FRS3: variants seen among roughly 807,000 people sequenced by gnomAD.
FRS3 encodes fibroblast growth factor receptor substrate 3.
Under a neutral mutation model 41.9 loss-of-function variants are expected in FRS3, and 17 were observed. That is an observed-to-expected ratio of 0.41 (90% CI 0.28 to 0.61). The LOEUF is 0.61. FRS3 is among the 20% of genes least tolerant of loss of function. The pLI is 0.36. For missense variants in FRS3, 619 were observed against 672.1 expected (o/e 0.92, Z 0.87); for synonymous variants, 287 against 274.5 (o/e 1.05, Z -0.45).
intron 6 of FRS3, 99 bp from the exon 7 acceptor site, chr6:41,771,632 C>G (rs1772297032): frequency 1.6e-6 from 2 of 1,216,638 alleles, no homozygotes; most frequent in Non-Finnish European, 1.1e-6. Flanking sequence ...AGAAAAAGAC[C>G]TGGAGTTTCT....
chr6:41,779,160 G>C (rs1192619373), intron 1 of FRS3, among the ~76,000 whole-genome samples: 1 of 152,090 alleles, frequency 6.6e-6, no homozygotes, highest in African/African-American at 2.4e-5. Context: ...GGTGCAAGAT[G>C]GGGGAGGGGC....
chr6:41,776,671 C>A, intron 3 of FRS3: 2 of 444,790 alleles, frequency 4.5e-6, no homozygotes, highest in Non-Finnish European at 8.0e-6. Context: ...AATACACTGA[C>A]AACAGTTCCA....
At chr6:41,773,821 G>A (rs1030410474) in intron 4 of FRS3, among the ~76,000 whole-genome samples, 6 of 151,336 alleles carry the variant, frequency 4.0e-5, no homozygotes, top group African/African-American at 4.9e-5. Flanking sequence ...GCAGTGAGCC[G>A]AGATTGTGCC....
At chr6:41,772,747 T>TGC (rs756514518) in intron 5 of FRS3, 51 bp downstream of exon 5, 22 of 689,242 alleles carry the variant, frequency 3.2e-5, no homozygotes, top group Non-Finnish European at 4.3e-5. Context: ...TTCCTGGGCG[T>TGC]GTGTGTGTGT....
At chr6:41,775,342 G>T in intron 4 of FRS3, 77 bp downstream of exon 4, 1 of 1,190,464 alleles carries the variant, frequency 8.4e-7, no homozygotes, top group Non-Finnish European at 1.2e-6. Context: ...AACCTCTTGA[G>T]GGCTAACCTA....
chr6:41,770,831 T>G lies in FRS3; in HGVS notation c.1267A>C (p.Lys423Gln), dbSNP rs779519233. 1 of 1,610,366 alleles carries G rather than the reference T, an allele frequency of 6.2e-7. No individual in the cohort carries two copies. Among genetic ancestry groups the G allele is most frequent in the Admixed American group, 1.7e-5 (1 of 59,998 alleles). Residue 423 changes from lysine to glutamine, a missense_variant, in exon 7 of 7, where the codon AAG (lysine) becomes CAG (glutamine). Lys to Gln is a moderately conservative substitution (Grantham distance 53). Coordinates refer to ENST00000373018, the MANE Select transcript of FRS3 (RefSeq NM_006653.5). ...TTAGGGCGGTCTCCACCCCAGCCCT[T>G]TAGCTCCACCTGGATGTAGTTAAGC... ...RQLNYIQVEL[K>Q]GWGGDRPKGP...
chr6:41,771,000 G>A lies in FRS3; in HGVS notation c.1098C>T (p.Asp366=), dbSNP rs116095272. ...TGGTGGGCTTCTGCAGTGGGGTCTC[G>A]TCCTCCTCACCATCAGGGAAGCCAT... ...SSNGFPDGEE[D]ETPLQKPTST... is the part of the protein sequence containing the mutation. The change falls in exon 7 of 7, where the codon GAC becomes GAT. Residue 366 remains aspartate (D), a synonymous_variant. Transcript: ENST00000373018. 5.9e-4 allele frequency: 957 copies of A among 1,612,972 alleles called. 5 individuals carry two copies. The African/African-American group carries it at 9.9e-3, about 17-fold the overall frequency.
intron 3 of FRS3, 111 bp downstream of exon 3, chr6:41,776,811 C>A: frequency 1.1e-6 from 1 of 922,760 alleles, no homozygotes; most frequent in African/African-American, 1.6e-5. Flanking sequence ...AGCCCACAAC[C>A]TCAGCCTGGC....
intron 3 of FRS3, 80 bp from the exon 4 acceptor site, chr6:41,775,685 C>T: frequency 5.8e-6 from 6 of 1,035,092 alleles, no homozygotes; most frequent in Non-Finnish European, 8.9e-6. Flanking sequence ...GGGAGACAAT[C>T]TGATGCAGGA....
In FRS3 at chr6:41,775,550, G is replaced by A. The variant is rs140401408; in HGVS notation, c.122C>T (p.Thr41Met). Residue 41 changes from threonine to methionine, a missense_variant, in exon 4 of 7, where the codon ACG becomes ATG. Coordinates refer to ENST00000373018, the MANE Select transcript of FRS3 (RefSeq NM_006653.5). ...VELGSGVMELTQSELVLHLHR... is the reference protein window; with the variant it reads ...VELGSGVMELMQSELVLHLHR... Reference sequence around the variant, plus strand: ...CAGGTGCAGCACCAGCTCACTCTGCGTCAGCTCCATCACCCCAGAGCCCAG... The same window carrying A: ...CAGGTGCAGCACCAGCTCACTCTGCATCAGCTCCATCACCCCAGAGCCCAG... 3.1e-5 allele frequency: 50 copies of A among 1,613,998 alleles called. No homozygotes were observed. The highest frequency in any genetic ancestry group is 3.1e-4 in the African/African-American group (23 of 75,056).
At position 41,771,808 on chromosome 6, in the gene FRS3, G is replaced by A. The variant is rs199686021; in HGVS notation, c.564+8C>T. The A allele has an allele frequency of 1.4e-4, 218 of 1,550,414 alleles. No homozygotes were observed. The East Asian group carries it at 4.2e-3, about 30-fold the overall frequency. ...AACAGGGCAGGGGCTGGCCGGCTGC[G>A]TGCTCACCTGCTCATCAGGAGCAAT... On this transcript the variant is annotated splice_region_variant and intron_variant, in intron 6 of 6. Coordinates refer to ENST00000373018, the MANE Select transcript of FRS3 (RefSeq NM_006653.5).
At position 41,771,896 on chromosome 6, in the gene FRS3, G is replaced by A. The variant is rs200237587; in HGVS notation, c.484C>T (p.Arg162Trp). 5.0e-5 allele frequency: 78 copies of A among 1,555,942 alleles called. No individual in the cohort carries two copies. In the East Asian group the frequency reaches 7.5e-4, roughly 15 times the overall value. Reference protein sequence around the residue: ...PGEGPRFSAPRRLSTSSLRHP... With the variant: ...PGEGPRFSAPWRLSTSSLRHP... ...CGCAGGCTGCTTGTCGAGAGCCGCC[G>A]GGGAGCTGAGAATCGTGGGCCCTCT... Residue 162 changes from arginine to tryptophan, a missense_variant, in exon 6 of 7, where the codon CGG (arginine) becomes TGG (tryptophan). By Grantham distance (101) the Arg-to-Trp change is moderately radical (BLOSUM62 -3). Coordinates refer to ENST00000373018, the MANE Select transcript of FRS3 (RefSeq NM_006653.5).
chr6:41,771,348 C>T lies in FRS3; in HGVS notation c.750G>A (p.Arg250=), dbSNP rs142384930. Residue 250 remains arginine, a synonymous_variant, in exon 7 of 7, where the codon CGG becomes CGA. Transcript: ENST00000373018. ...VKFVLGPTPA[R]RHMVKCQGLC... ...GGCCCTGGCACTTCACCATGTGCCGCCGAGCAGGGGTCGGGCCCAACACAA... is the reference window on the plus strand; with the variant it reads ...GGCCCTGGCACTTCACCATGTGCCGTCGAGCAGGGGTCGGGCCCAACACAA... 1.6e-4 allele frequency: 263 copies of T among 1,613,486 alleles called. 1 individual carries two copies. The highest frequency in any genetic ancestry group is 2.0e-4 in the Non-Finnish European group (232 of 1,179,734).
At chr6:41,772,087 G>A in intron 5 of FRS3, 123 bp from the exon 6 acceptor site, 1 of 781,436 alleles carries the variant, frequency 1.3e-6, no homozygotes, top group Non-Finnish European at 2.0e-6. Flanking sequence ...GGGCGTCACA[G>A]TGGTTAAACC....
chr6:41,775,343 G>A, intron 4 of FRS3, 76 bp downstream of exon 4: 1 of 1,200,974 alleles, frequency 8.3e-7, no homozygotes, highest in South Asian at 1.5e-5. Flanking sequence ...ACCTCTTGAG[G>A]GCTAACCTAT....
intron 3 of FRS3, 91 bp downstream of exon 3, chr6:41,776,831 G>T: frequency 2.9e-6 from 3 of 1,028,032 alleles, no homozygotes; most frequent in Non-Finnish European, 3.1e-6. Context: ...CATTTGATTT[G>T]CTGTTAGAGA....
At chr6:41,777,054 C>T (rs773357159) in intron 2 of FRS3, 44 bp from the exon 3 acceptor site, 3 of 1,410,746 alleles carry the variant, frequency 2.1e-6, no homozygotes, top group Admixed American at 3.4e-5. Context: ...ACTTCAGCTT[C>T]AAAAAACCCT....
At position 41,771,041 on chromosome 6, in the gene FRS3, GC is replaced by G; in HGVS notation, c.1056del (p.Leu353SerfsTer38). 1.2e-6 allele frequency: 2 copies of G among 1,611,672 alleles called. No individual in the cohort carries two copies. Among genetic ancestry groups the G allele is most frequent in the Non-Finnish European group, 1.7e-6 (2 of 1,178,598 alleles). On this transcript the variant is annotated frameshift_variant, in exon 7 of 7. Coordinates refer to ENST00000373018, the MANE Select transcript of FRS3 (RefSeq NM_006653.5). LOFTEE classifies it high-confidence loss of function. ...EAGDDGDSRD[G>X]LTPSSNGFPD... ...GGGAAGCCATTGGAAGAGGGTGTGA[GC>G]CCATCCCTCGAGTCCCCATCATCCC...
At position 41,770,576 on chromosome 6, in the gene FRS3, C is replaced by G. The variant is rs534138466; in HGVS notation, c.*43G>C. The G allele has an allele frequency of 6.3e-7, 1 of 1,596,468 alleles. No individual in the cohort carries two copies. Among genetic ancestry groups the G allele is most frequent in the Non-Finnish European group, 8.6e-7 (1 of 1,164,118 alleles). ...AGAGGACAGGAGTGTGAGGCAGAGG[C>G]TGGATCATGGTGGGGCAGAGGGTGG... is the stretch of plus-strand genomic sequence containing the variant. On this transcript the variant is annotated 3_prime_UTR_variant, in exon 7 of 7. Transcript: ENST00000373018.
Sources: gnomAD v4.1 joint callset for allele counts (sites outside exome capture counted in the v4.1 genomes callset) on GRCh38, gnomAD v4.1.1 for gene constraint, MANE v1.5 for transcripts, NCBI Gene and HGNC (gene_info 2026-07-23, HGNC 2026-07-21) for gene names.